Variants in CACNA2D3 observed in about 807,000 individuals in gnomAD.
CACNA2D3 encodes voltage-dependent calcium channel subunit alpha-2/delta-3.
In CACNA2D3, 60 loss-of-function variants were observed where a neutral mutation model predicts 160.6. The ratio of observed to expected loss-of-function variants is 0.37; its 90% CI spans 0.30 to 0.46. The LOEUF is 0.46. Among genes scored for constraint, CACNA2D3 ranks in the 20% least tolerant of loss-of-function variants. CACNA2D3 has a pLI of 1.00. For synonymous variants in CACNA2D3, 558 were observed against 492.9 expected, an observed-to-expected ratio of 1.13 and a Z score of -1.75; for missense variants, 1,205 against 1,365.0, an observed-to-expected ratio of 0.88 and a Z score of 1.85.
At chr3:54,445,587 C>CACACACACAT (rs1396166172) in intron 4 of CACNA2D3, among the ~76,000 whole-genome samples, 9 of 151,266 alleles carry the variant, frequency 5.9e-5, no homozygotes, top group Non-Finnish European at 1.2e-4. Flanking sequence ...CACACACACA[C>CACACACACAT]ACTCATGTGA....
chr3:54,141,175 G>A (rs186734862), intron 2 of CACNA2D3, among the ~76,000 whole-genome samples: 1 of 151,780 alleles, frequency 6.6e-6, no homozygotes, highest in Non-Finnish European at 1.5e-5. Flanking sequence ...TCTCATTCTT[G>A]GGTGCAATGG....
chr3:54,752,744 A>G lies in CACNA2D3; in HGVS notation c.1246+67A>G. The G allele has an allele frequency of 8.0e-6, 9 of 1,118,134 alleles. No individual in the cohort carries two copies. In the South Asian group the frequency reaches 1.1e-4, roughly 13 times the overall value. 69.3% of individuals were successfully genotyped at this position (1,118,134 alleles called of 1,614,324 possible). ...TACTTGTGCAGAATTAGGAATATTC[A>G]TGAGAAAGTAGAGAGTTCTAATAAT... On this transcript the variant is annotated intron_variant, in intron 12 of 37. Coordinates refer to ENST00000474759, the MANE Select transcript of CACNA2D3 (RefSeq NM_018398.3).
chr3:54,536,969 G>A (rs1559507110), intron 5 of CACNA2D3, among the ~76,000 whole-genome samples: 1 of 152,168 alleles, frequency 6.6e-6, no homozygotes, highest in African/African-American at 2.4e-5. Context: ...CAGGCGCCAG[G>A]CAGACTGTTG....
intron 30 of CACNA2D3, among the ~76,000 whole-genome samples, chr3:54,985,453 C>T (rs996633824): frequency 6.6e-6 from 1 of 152,186 alleles, no homozygotes; most frequent in Non-Finnish European, 1.5e-5. Flanking sequence ...ACAAGTTCAA[C>T]AGTGCATATA....
intron 34 of CACNA2D3, among the ~76,000 whole-genome samples, chr3:55,014,932 A>T (rs2107152706): frequency 6.6e-6 from 1 of 152,330 alleles, no homozygotes; most frequent in African/African-American, 2.4e-5. Context: ...GTTTCCCAAA[A>T]GCACATCAAG....
At chr3:54,371,019 G>A (rs535700252) in intron 3 of CACNA2D3, among the ~76,000 whole-genome samples, 7 of 152,180 alleles carry the variant, frequency 4.6e-5, no homozygotes, top group South Asian at 4.1e-4. Context: ...TGAGCCTACC[G>A]TTTTCAAGAG....
intron 35 of CACNA2D3, among the ~76,000 whole-genome samples, chr3:55,032,481 C>A (rs891680513): frequency 6.6e-6 from 1 of 152,172 alleles, no homozygotes; most frequent in Non-Finnish European, 1.5e-5. Context: ...ACAACACTTA[C>A]CACATTACTG....
intron 4 of CACNA2D3, among the ~76,000 whole-genome samples, chr3:54,481,559 C>G (rs1700933112): frequency 6.6e-6 from 1 of 152,218 alleles, no homozygotes; most frequent in South Asian, 2.1e-4. Flanking sequence ...TCTTCCACAG[C>G]TATTTGTTCT....
chr3:54,375,487 G>A lies in CACNA2D3; in HGVS notation c.322-11228G>A, dbSNP rs981704823. On this transcript the variant is annotated intron_variant, in intron 3 of 37. Transcript: ENST00000474759. ...TCCTTGAGGAGGAGTCATTTGAGCT[G>A]CAGAGTGACCAATGAGGGGCAGTCA... 5.3e-5 allele frequency among the ~76,000 whole-genome samples: 8 copies of A among 152,240 alleles called. 1 individual carries two copies. In the South Asian group the frequency reaches 1.7e-3, roughly 32 times the overall value.
intron 2 of CACNA2D3, among the ~76,000 whole-genome samples, chr3:54,274,198 G>A (rs1702685036): frequency 6.8e-6 from 1 of 147,330 alleles, no homozygotes; most frequent in Non-Finnish European, 1.5e-5. Flanking sequence ...CTCTACATTT[G>A]TAGAATGATT....
intron 27 of CACNA2D3, among the ~76,000 whole-genome samples, chr3:54,949,100 C>A (rs2107009655): frequency 6.6e-6 from 1 of 152,298 alleles, no homozygotes; most frequent in African/African-American, 2.4e-5. Flanking sequence ...TTCATCTGAG[C>A]AGATTGGCAA....
chr3:54,418,943 C>T (rs943762888), intron 4 of CACNA2D3, among the ~76,000 whole-genome samples: 4 of 152,174 alleles, frequency 2.6e-5, no homozygotes, highest in Admixed American at 2.0e-4. Context: ...CTGTGGCCTC[C>T]AGGGACCACG....
At chr3:55,037,818 G>A (rs867106103) in intron 35 of CACNA2D3, among the ~76,000 whole-genome samples, 1 of 152,156 alleles carries the variant, frequency 6.6e-6, no homozygotes, top group Non-Finnish European at 1.5e-5. Flanking sequence ...AGCAAAAACT[G>A]TAAGGTACAA....
chr3:54,415,014 G>T (rs546052398), intron 4 of CACNA2D3, among the ~76,000 whole-genome samples: 26 of 151,928 alleles, frequency 1.7e-4, no homozygotes, highest in Non-Finnish European at 3.5e-4. Flanking sequence ...TGTTTCAGAC[G>T]TCAAAAACTT....
chr3:54,522,100 A>C (rs1701654680), intron 5 of CACNA2D3, among the ~76,000 whole-genome samples: 2 of 152,280 alleles, frequency 1.3e-5, no homozygotes, highest in African/African-American at 4.8e-5. Context: ...TCTGACAGAG[A>C]TTGAACTGGA....
chr3:54,242,718 C>G (rs1156665270), intron 2 of CACNA2D3, among the ~76,000 whole-genome samples: 1 of 152,138 alleles, frequency 6.6e-6, no homozygotes, highest in African/African-American at 2.4e-5. Context: ...GAATAGCGCA[C>G]AATTTAAAAT....
At chr3:54,467,114 A>C (rs1244201318) in intron 4 of CACNA2D3, among the ~76,000 whole-genome samples, 1 of 151,602 alleles carries the variant, frequency 6.6e-6, no homozygotes, top group Non-Finnish European at 1.5e-5. Flanking sequence ...AAACAACAAT[A>C]GGGGTCCTGG....
At chr3:55,044,838 A>G (rs1704041191) in intron 35 of CACNA2D3, among the ~76,000 whole-genome samples, 1 of 152,160 alleles carries the variant, frequency 6.6e-6, no homozygotes, top group South Asian at 2.1e-4. Context: ...AAAGGTTGCT[A>G]AAGTTTGTCA....
chr3:54,715,769 C>A (rs1436819888), intron 11 of CACNA2D3, among the ~76,000 whole-genome samples: 1 of 152,078 alleles, frequency 6.6e-6, no homozygotes, highest in East Asian at 1.9e-4. Context: ...TATTATTCAG[C>A]CATAAAAAAG....
Sources: gnomAD v4.1 joint callset for allele counts (sites outside exome capture counted in the v4.1 genomes callset) on GRCh38, gnomAD v4.1.1 for gene constraint, MANE v1.5 for transcripts, NCBI Gene and HGNC (gene_info 2026-07-23, HGNC 2026-07-21) for gene names.